Variants in LIN52 observed in about 807,000 individuals in gnomAD.
LIN52 encodes protein lin-52 homolog.
LIN52 carries 4 observed loss-of-function variants against 18.5 expected under a neutral mutation model. The ratio of observed to expected loss-of-function variants is 0.22; its 90% CI spans 0.11 to 0.49. LIN52 has a LOEUF of 0.49. Ranked by LOEUF, LIN52 falls within the 20% of genes least tolerant of loss-of-function variation. The pLI is 0.97. For synonymous variants in LIN52, 34 were observed against 45.5 expected (o/e 0.75, Z 1.02); for missense variants, 102 against 139.5 (o/e 0.73, Z 1.35).
intron 1 of LIN52, among the ~76,000 whole-genome samples, chr14:74,088,674 C>G (rs1056936164): frequency 6.6e-6 from 1 of 152,180 alleles, no homozygotes; most frequent in Non-Finnish European, 1.5e-5. Context: ...TTTGGCAAAA[C>G]AAATTCAGTT....
chr14:74,152,331 TACTG>T (rs57971331), intron 5 of LIN52, among the ~76,000 whole-genome samples: 26,060 of 151,798 alleles, frequency 0.17, 2,721 homozygotes, highest in East Asian at 0.57. Context: ...ATTGTTTTTA[TACTG>T]TTCAATTAAC....
chr14:74,195,221 A>G (rs1420008795), intron 5 of LIN52, among the ~76,000 whole-genome samples: 1 of 152,214 alleles, frequency 6.6e-6, no homozygotes, highest in Non-Finnish European at 1.5e-5. Context: ...TGTTGTGTCT[A>G]GAATTGTTTT....
At chr14:74,185,917 A>G (rs183573333) in intron 5 of LIN52, among the ~76,000 whole-genome samples, 11 of 152,308 alleles carry the variant, frequency 7.2e-5, no homozygotes, top group African/African-American at 2.4e-4. Flanking sequence ...GAGTAACTCT[A>G]AAGTGGAATT....
rs2078933315 is a variant in LIN52, at chr14:74,199,378, T to TAGAGA, written c.*401_*402insAGAGA. ...GTTGATTGGATGGGTTCTTTTGAAT[T>TAGAGA]GTTCTTGATCTCTTAGAAAGTGTTT... On this transcript the variant is annotated 3_prime_UTR_variant, in exon 6 of 6. Transcript: ENST00000555028. 4 of 164,196 alleles carry TAGAGA rather than the reference T, an allele frequency of 2.4e-5. No homozygotes were observed. The Admixed American group carries it at 2.5e-4, about 10-fold the overall frequency. The allele number at this position is 164,196 out of a possible 1,614,324, so 10.2% of individuals were successfully genotyped here. A position where few individuals can be genotyped will look rare whatever the true frequency, so the allele number is the denominator to read the frequency against.
At chr14:74,183,018 T>A (rs2061324965) in intron 5 of LIN52, among the ~76,000 whole-genome samples, 1 of 152,190 alleles carries the variant, frequency 6.6e-6, no homozygotes, top group African/African-American at 2.4e-5. Context: ...CTTGGTTGTA[T>A]GTAATTTGTT....
At chr14:74,147,360 TATAAGAGCTGAAACTATAGAAC>T (rs1249663203) in intron 5 of LIN52, among the ~76,000 whole-genome samples, 2 of 152,196 alleles carry the variant, frequency 1.3e-5, no homozygotes, top group African/African-American at 2.4e-5. Flanking sequence ...TGGACCTAAA[TATAAGAGCTGAAACTATAGAAC>T]ATAGGCATAA....
intron 5 of LIN52, among the ~76,000 whole-genome samples, chr14:74,171,880 A>G (rs2061273045): frequency 6.6e-6 from 1 of 151,884 alleles, no homozygotes; most frequent in Non-Finnish European, 1.5e-5. Context: ...CTGGGATTAC[A>G]GGCATGCGCC....
chr14:74,135,935 TCAA>T (rs2061095207), intron 5 of LIN52, among the ~76,000 whole-genome samples: 1 of 152,188 alleles, frequency 6.6e-6, no homozygotes, highest in South Asian at 2.1e-4. Context: ...TTTAGCACAC[TCAA>T]CAATAAAAAA....
intron 5 of LIN52, among the ~76,000 whole-genome samples, chr14:74,170,346 A>G (rs1003869099): frequency 2.0e-5 from 3 of 152,158 alleles, no homozygotes; most frequent in African/African-American, 7.2e-5. Flanking sequence ...TTCCACAAAG[A>G]CTGACTTTTT....
At chr14:74,141,658 T>C (rs2061132001) in intron 5 of LIN52, among the ~76,000 whole-genome samples, 1 of 152,098 alleles carries the variant, frequency 6.6e-6, no homozygotes, top group African/African-American at 2.4e-5. Context: ...GTAGTGTGAG[T>C]CTTGTCATGC....
At chr14:74,094,784 A>G (rs1329819555) in intron 2 of LIN52, among the ~76,000 whole-genome samples, 2 of 150,426 alleles carry the variant, frequency 1.3e-5, no homozygotes, top group African/African-American at 2.5e-5. Context: ...TTGGAGTGCA[A>G]TGGCGTGATC....
intron 5 of LIN52, among the ~76,000 whole-genome samples, chr14:74,145,137 C>T (rs751324187): frequency 9.2e-5 from 14 of 152,312 alleles, no homozygotes; most frequent in Admixed American, 5.2e-4. Flanking sequence ...ACATTTAAAG[C>T]TCTATCCATT....
intron 5 of LIN52, among the ~76,000 whole-genome samples, chr14:74,130,278 G>GTTTTTTTGTTTTTTTTTTTTTTTTTTT (rs2061055115): frequency 1.5e-5 from 1 of 64,838 alleles, no homozygotes; most frequent in African/African-American, 6.3e-5. Flanking sequence ...GCATTTTTTG[G>GTTTTTTTGTTTTTTTTTTTTTTTTTTT]TTTTTTTTTT....
At chr14:74,136,328 G>A (rs986700306) in intron 5 of LIN52, among the ~76,000 whole-genome samples, 2 of 152,154 alleles carry the variant, frequency 1.3e-5, no homozygotes, top group Non-Finnish European at 2.9e-5. Flanking sequence ...TCACCTGTAT[G>A]CCCAGTCAAT....
intron 5 of LIN52, among the ~76,000 whole-genome samples, chr14:74,128,129 C>G (rs953890196): frequency 6.6e-6 from 1 of 152,052 alleles, no homozygotes; most frequent in Non-Finnish European, 1.5e-5. Context: ...ACAGTAATCA[C>G]TAAAGAGAAA....
chr14:74,089,352 T>A (rs959767091), intron 1 of LIN52, among the ~76,000 whole-genome samples: 5 of 150,056 alleles, frequency 3.3e-5, no homozygotes, highest in Non-Finnish European at 5.9e-5. Flanking sequence ...GATAATTAGG[T>A]TTAAAGTTTA....
At chr14:74,156,711 C>A (rs1330624838) in intron 5 of LIN52, among the ~76,000 whole-genome samples, 1 of 152,160 alleles carries the variant, frequency 6.6e-6, no homozygotes, top group African/African-American at 2.4e-5. Flanking sequence ...TAATTACAGT[C>A]ACCTTACAGT....
chr14:74,144,194 G>A (rs115515677), intron 5 of LIN52, among the ~76,000 whole-genome samples: 1,547 of 151,570 alleles, frequency 0.01, 32 homozygotes, highest in African/African-American at 0.036. Context: ...GTACAAACAC[G>A]GCTCACTGCA....
chr14:74,104,882 T>G (rs962908181), intron 5 of LIN52, among the ~76,000 whole-genome samples: 3 of 152,172 alleles, frequency 2.0e-5, no homozygotes, highest in African/African-American at 7.2e-5. Context: ...TGTAATATTC[T>G]TCATCAGTCT....
Sources: allele counts gnomAD v4.1 joint callset (sites outside exome capture counted in the v4.1 genomes callset), GRCh38; gene constraint gnomAD v4.1.1; transcripts MANE v1.5; gene names NCBI Gene and HGNC (gene_info 2026-07-23, HGNC 2026-07-21).